The following CMSS1 variants were observed in gnomAD, a reference collection of about 807,000 sequenced individuals.
CMSS1 encodes the protein protein CMSS1.
Under a neutral mutation model 43.5 loss-of-function variants are expected in CMSS1, and 33 were observed. The ratio of observed to expected loss-of-function variants is 0.76; its 90% confidence interval spans 0.57 to 1.01. The LOEUF is 1.01. CMSS1 is among the 50% of genes least tolerant of loss of function. The pLI is 0.00. For synonymous variants in CMSS1, 115 were observed against 117.2 expected, an observed-to-expected ratio of 0.98 and a Z score of 0.12; for missense variants, 313 against 326.4, an observed-to-expected ratio of 0.96 and a Z score of 0.32.
chr3:100,089,629 T>C (rs2066069661), intron 1 of CMSS1, among the ~76,000 whole-genome samples: 1 of 152,208 alleles, frequency 6.6e-6, no homozygotes, highest in Non-Finnish European at 1.5e-5. Context: ...CTTTATATGA[T>C]ATTTGATAAC....
chr3:99,936,369 CTTT>C (rs548149257), intron 1 of CMSS1, among the ~76,000 whole-genome samples: 13 of 86,364 alleles, frequency 1.5e-4, no homozygotes, highest in African/African-American at 5.7e-4. Context: ...AGCTTGAAGC[CTTT>C]TTTTTTTTTT....
chr3:100,096,272 A>G (rs2066205708), intron 1 of CMSS1, among the ~76,000 whole-genome samples: 1 of 148,872 alleles, frequency 6.7e-6, no homozygotes, highest in Admixed American at 6.6e-5. Context: ...ACATACCCCA[A>G]AGAAATGAAA....
At chr3:99,871,689 T>G (rs937789207) in intron 1 of CMSS1, among the ~76,000 whole-genome samples, 3 of 152,060 alleles carry the variant, frequency 2.0e-5, no homozygotes, top group Admixed American at 6.6e-5. Flanking sequence ...GTCTGAGGAG[T>G]GCAAAATGCT....
intron 2 of CMSS1, among the ~76,000 whole-genome samples, chr3:100,156,404 G>T (rs1431213565): frequency 6.7e-6 from 1 of 148,272 alleles, no homozygotes; most frequent in East Asian, 2.0e-4. Flanking sequence ...TGCCTCCCAG[G>T]TTCAAGAGAT....
At chr3:99,818,463 T>A (rs1471260706) in intron 1 of CMSS1, among the ~76,000 whole-genome samples, 1 of 152,220 alleles carries the variant, frequency 6.6e-6, no homozygotes, top group Non-Finnish European at 1.5e-5. Context: ...TTTAGCCTCC[T>A]TTTCCTCATC....
rs753925924 is a variant in CMSS1 at position 99,930,885 on chromosome 3, C to A, written c.64+112842C>A. ...TCTGCCTTGGGACACGGAAGTATTA[C>A]ATCCGACTCACTGGGGGAGTCTTTG... is the stretch of plus-strand genomic sequence containing the variant. On this transcript the variant is annotated intron_variant, in intron 1 of 9. Transcript: ENST00000421999. 108 of 1,613,278 alleles carry A rather than the reference C, an allele frequency of 6.7e-5. No individual in the cohort carries two copies. The highest frequency in any genetic ancestry group is 8.8e-5 in the Non-Finnish European group (104 of 1,179,882).
At chr3:99,897,092 C>T (rs1362490591) in intron 1 of CMSS1, among the ~76,000 whole-genome samples, 2 of 152,116 alleles carry the variant, frequency 1.3e-5, no homozygotes, top group Admixed American at 1.3e-4. Context: ...AGCATGGTGG[C>T]TCACGCCTGT....
At chr3:100,124,645 C>CT (rs1316024639) in intron 1 of CMSS1, among the ~76,000 whole-genome samples, 1 of 152,076 alleles carries the variant, frequency 6.6e-6, no homozygotes, top group African/African-American at 2.4e-5. Context: ...AATAGCCTTG[C>CT]TTGAACATCA....
intron 1 of CMSS1, among the ~76,000 whole-genome samples, chr3:100,001,945 CT>C (rs1709854010): frequency 6.6e-6 from 1 of 152,194 alleles, no homozygotes; most frequent in African/African-American, 2.4e-5. Context: ...AATGAGACAT[CT>C]GGTTTTCATC....
At chr3:99,966,030 C>T (rs964426583) in intron 1 of CMSS1, among the ~76,000 whole-genome samples, 14 of 152,284 alleles carry the variant, frequency 9.2e-5, no homozygotes, top group African/African-American at 3.4e-4. Flanking sequence ...CCTCTTGAAC[C>T]TAGTGCCTTC....
At chr3:100,150,205 T>G (rs1294547348) in intron 2 of CMSS1, among the ~76,000 whole-genome samples, 1 of 152,204 alleles carries the variant, frequency 6.6e-6, no homozygotes, top group Non-Finnish European at 1.5e-5. Context: ...AACTTGAGTC[T>G]CCAGCTGGTT....
intron 1 of CMSS1, among the ~76,000 whole-genome samples, chr3:99,917,889 C>T (rs1159273342): frequency 1.3e-5 from 2 of 152,168 alleles, no homozygotes; most frequent in Non-Finnish European, 2.9e-5. Flanking sequence ...TTGTTCATGA[C>T]AATCACATAA....
intron 1 of CMSS1, among the ~76,000 whole-genome samples, chr3:100,057,111 G>A (rs1314116475): frequency 6.6e-6 from 1 of 152,216 alleles, no homozygotes; most frequent in African/African-American, 2.4e-5. Context: ...GGAAAGTCCT[G>A]GACCTGCAGT....
chr3:100,008,022 C>A (rs542746812), intron 1 of CMSS1, among the ~76,000 whole-genome samples: 2 of 152,142 alleles, frequency 1.3e-5, no homozygotes, highest in African/African-American at 2.4e-5. Flanking sequence ...CACAACCTTG[C>A]CTGGGACCTG....
rs1385369713 is a variant in CMSS1, at chr3:100,125,541, T to C, written c.65-21432T>C. On this transcript the variant is annotated intron_variant, in intron 1 of 9. Coordinates refer to ENST00000421999, the MANE Select transcript of CMSS1 (RefSeq NM_032359.4). ...AGTAATTAGCAGGCAGAATTATGAT[T>C]GGGCTGTAACCTAACTCTAATCGCT... 2.0e-5 allele frequency among the ~76,000 whole-genome samples: 3 copies of C among 152,244 alleles called. No homozygotes were observed. The East Asian group carries it at 5.8e-4, about 29-fold the overall frequency.
At chr3:99,895,844 G>A (rs556456247) in intron 1 of CMSS1, among the ~76,000 whole-genome samples, 2 of 152,258 alleles carry the variant, frequency 1.3e-5, no homozygotes, top group African/African-American at 4.8e-5. Flanking sequence ...GTTAAATGTT[G>A]GCTAAACTCT....
chr3:99,972,262 G>T (rs896288642), intron 1 of CMSS1, among the ~76,000 whole-genome samples: 1 of 152,130 alleles, frequency 6.6e-6, no homozygotes, highest in Admixed American at 6.5e-5. Context: ...AAATAAACTT[G>T]ACCCAATAGA....
Position 100,180,775 on chromosome 3 carries a change from C to T in CMSS1, c.*2387C>T, listed in dbSNP as rs1237180579. ...CGTTACCCAGTTTCAAAGTTGCTTC[C>T]ACATTTTTTAGGTATCTTTATAGAA... On this transcript the variant is annotated 3_prime_UTR_variant, in exon 10 of 10. Transcript: ENST00000421999. 6.6e-6 allele frequency: 1 copy of T among 152,188 alleles called. No homozygotes were observed. Among genetic ancestry groups the T allele is most frequent in the Non-Finnish European group, 1.5e-5 (1 of 68,026 alleles). The allele number at this position is 152,188 out of a possible 1,614,324, so 9.4% of individuals were successfully genotyped here.
At chr3:100,044,767 GA>G (rs909701688) in intron 1 of CMSS1, among the ~76,000 whole-genome samples, 1 of 152,118 alleles carries the variant, frequency 6.6e-6, no homozygotes, top group African/African-American at 2.4e-5. Flanking sequence ...ATGAGAGAAG[GA>G]AACCAATGTG....
Sources: allele counts gnomAD v4.1 joint callset (sites outside exome capture counted in the v4.1 genomes callset), GRCh38; gene constraint gnomAD v4.1.1; transcripts MANE v1.5; gene names NCBI Gene and HGNC (gene_info 2026-07-23, HGNC 2026-07-21).